DNM3: variants seen among roughly 807,000 people sequenced by gnomAD.
DNM3 encodes dynamin-3.
In DNM3, 47 loss-of-function variants were observed where a neutral mutation model predicts 101.6. The ratio of observed to expected loss-of-function variants is 0.46; its 90% confidence interval spans 0.37 to 0.59. The LOEUF (loss-of-function observed/expected upper bound fraction) is 0.59, where lower values mean the gene tolerates loss of function less well. Among genes scored for constraint, DNM3 ranks in the 20% least tolerant of loss-of-function variants. DNM3 has a pLI of 0.00. For synonymous variants in DNM3, 385 were observed against 387.9 expected (o/e 0.99, Z 0.09); for missense variants, 849 against 1,085.7 (o/e 0.78, Z 3.06).
intron 16 of DNM3, among the ~76,000 whole-genome samples, chr1:172,321,286 A>C (rs1360346399): frequency 1.3e-5 from 2 of 152,148 alleles, no homozygotes; most frequent in African/African-American, 4.8e-5. Context: ...CCTCATATGC[A>C]TTTTTTCAGC....
At chr1:172,256,540 T>G (rs1232250545) in intron 15 of DNM3, among the ~76,000 whole-genome samples, 1 of 152,074 alleles carries the variant, frequency 6.6e-6, no homozygotes, top group Non-Finnish European at 1.5e-5. Context: ...ATCTGAAATT[T>G]GACTGATTTT....
intron 11 of DNM3, 73 bp from the exon 12 acceptor site, chr1:172,081,759 G>A (rs2053166001): frequency 8.5e-7 from 1 of 1,182,086 alleles, no homozygotes; most frequent in Non-Finnish European, 1.2e-6. Flanking sequence ...ATTAATTTGT[G>A]GGCAATTACT....
chr1:172,285,467 G>A (rs1030400784), intron 15 of DNM3, among the ~76,000 whole-genome samples: 2 of 152,128 alleles, frequency 1.3e-5, no homozygotes, highest in African/African-American at 4.8e-5. Context: ...CCTGGGTGGG[G>A]CCAGGGGACA....
At chr1:171,969,408 G>A (rs1006809342) in intron 2 of DNM3, among the ~76,000 whole-genome samples, 3 of 152,130 alleles carry the variant, frequency 2.0e-5, no homozygotes, top group African/African-American at 7.2e-5. Flanking sequence ...GAGCTCTGAG[G>A]GAGGCAGTGG....
At chr1:172,120,274 C>G (rs2056225579) in intron 13 of DNM3, among the ~76,000 whole-genome samples, 1 of 152,072 alleles carries the variant, frequency 6.6e-6, no homozygotes, top group Non-Finnish European at 1.5e-5. Flanking sequence ...GGGACCTCCC[C>G]TTTATAAAAC....
At chr1:172,332,237 A>G (rs11585706) in intron 17 of DNM3, among the ~76,000 whole-genome samples, 37,122 of 152,122 alleles carry the variant, frequency 0.24, 4,790 homozygotes, top group South Asian at 0.29. Context: ...GTAGCTTCAA[A>G]CTACAAGATT....
chr1:172,410,598 G>C lies in DNM3; in HGVS notation c.*2757G>C, dbSNP rs1185380450. 1 of 984,850 alleles carries C rather than the reference G, an allele frequency of 1.0e-6. No individual in the cohort carries two copies. The highest frequency in any genetic ancestry group is 1.7e-5 in the African/African-American group (1 of 57,196). The allele number at this position is 984,850 out of a possible 1,614,324, so 61.0% of individuals were successfully genotyped here. A position where few individuals can be genotyped will look rare whatever the true frequency, so the allele number is the denominator to read the frequency against. ...AGCTTATTGAAATAGTATTGATTTA[G>C]AAAAAGTATATTGCATTTCTAAAAA... On this transcript the variant is annotated 3_prime_UTR_variant, in exon 21 of 21. Transcript: ENST00000627582.
At chr1:171,900,161 GT>G (rs1307782444) in intron 1 of DNM3, among the ~76,000 whole-genome samples, 2 of 152,312 alleles carry the variant, frequency 1.3e-5, no homozygotes, top group East Asian at 3.9e-4. Flanking sequence ...TATTCGCACT[GT>G]ATGTTTTCAT....
chr1:172,267,361 G>C (rs1409780444), intron 15 of DNM3, among the ~76,000 whole-genome samples: 1 of 152,186 alleles, frequency 6.6e-6, no homozygotes, highest in African/African-American at 2.4e-5. Flanking sequence ...CATTCTTAAA[G>C]TAAGTAAGCT....
intron 4 of DNM3, among the ~76,000 whole-genome samples, chr1:172,009,049 TTATATAATATATTATA>T (rs2046920285): frequency 7.3e-6 from 1 of 136,274 alleles, no homozygotes; most frequent in African/African-American, 2.7e-5. Context: ...TATTTATATA[TTATATAATATATTATA>T]TGTATTTATA....
At chr1:172,122,774 C>T (rs1016262067) in intron 13 of DNM3, among the ~76,000 whole-genome samples, 2 of 152,210 alleles carry the variant, frequency 1.3e-5, no homozygotes, top group Non-Finnish European at 2.9e-5. Context: ...ATCCTCTAAG[C>T]GTGCTCTGCA....
intron 17 of DNM3, among the ~76,000 whole-genome samples, chr1:172,326,673 C>G (rs777197425): frequency 9.3e-5 from 14 of 151,312 alleles, no homozygotes; most frequent in Non-Finnish European, 2.1e-4. Flanking sequence ...AAATACTTGA[C>G]GTTTCAGTTA....
intron 13 of DNM3, among the ~76,000 whole-genome samples, chr1:172,127,957 A>G (rs894426355): frequency 6.6e-6 from 1 of 152,012 alleles, no homozygotes; most frequent in Non-Finnish European, 1.5e-5. Context: ...TCCCACCACC[A>G]CACTGGCATA....
At chr1:171,870,164 C>T (rs2125080219) in intron 1 of DNM3, among the ~76,000 whole-genome samples, 1 of 152,260 alleles carries the variant, frequency 6.6e-6, no homozygotes, top group Middle Eastern at 3.4e-3. Context: ...ATTACATTTT[C>T]CATTATTCTG....
intron 10 of DNM3, among the ~76,000 whole-genome samples, chr1:172,065,368 G>A (rs4916419): frequency 0.064 from 9,806 of 152,150 alleles, 623 homozygotes; most frequent in East Asian, 0.17. Flanking sequence ...AATAGCTTGG[G>A]AAGCTGTCTG....
intron 1 of DNM3, among the ~76,000 whole-genome samples, chr1:171,857,932 T>C (rs991794612): frequency 5.9e-5 from 9 of 152,114 alleles, no homozygotes; most frequent in African/African-American, 2.2e-4. Flanking sequence ...TCTCTTCCTC[T>C]GCACAAAAAG....
At chr1:172,018,991 C>A (rs2047638862) in intron 4 of DNM3, among the ~76,000 whole-genome samples, 1 of 130,818 alleles carries the variant, frequency 7.6e-6, no homozygotes, top group Non-Finnish European at 1.6e-5. Context: ...CTCCTTCCTT[C>A]CCTCCCTCCT....
chr1:171,940,322 T>C (rs1216890732), intron 2 of DNM3, among the ~76,000 whole-genome samples: 1 of 152,226 alleles, frequency 6.6e-6, no homozygotes, highest in Non-Finnish European at 1.5e-5. Flanking sequence ...AGTTTTTGCA[T>C]TCATTTATTC....
intron 15 of DNM3, among the ~76,000 whole-genome samples, chr1:172,258,494 T>C (rs758784885): frequency 6.6e-6 from 1 of 152,076 alleles, no homozygotes; most frequent in Non-Finnish European, 1.5e-5. Flanking sequence ...TCAATCTTCG[T>C]AGGTTGTATT....
Sources: allele counts gnomAD v4.1 joint callset (sites outside exome capture counted in the v4.1 genomes callset), GRCh38; gene constraint gnomAD v4.1.1; transcripts MANE v1.5; gene names NCBI Gene and HGNC (gene_info 2026-07-23, HGNC 2026-07-21).